The following UNC13B variants were observed in gnomAD, a reference collection of about 807,000 sequenced individuals.
UNC13B encodes the protein protein unc-13 homolog B.
Under a neutral mutation model 211.0 loss-of-function variants are expected in UNC13B, and 144 were observed. That is an observed-to-expected ratio of 0.68 (90% CI 0.60 to 0.78). UNC13B has a LOEUF of 0.78. UNC13B is among the 30% of genes least tolerant of loss of function. The pLI, the probability that UNC13B is intolerant of heterozygous loss-of-function variation, is 0.00. For missense variants in UNC13B, 1,777 were observed against 2,002.0 expected, an observed-to-expected ratio of 0.89 and a Z score of 2.14; for synonymous variants, 709 against 725.8, an observed-to-expected ratio of 0.98 and a Z score of 0.37.
intron 7 of UNC13B, among the ~76,000 whole-genome samples, chr9:35,294,883 A>G (rs963017078): frequency 6.6e-6 from 1 of 152,216 alleles, no homozygotes; most frequent in Non-Finnish European, 1.5e-5. Context: ...TAACAAAAAA[A>G]CTGTAGCCAG....
intron 11 of UNC13B, among the ~76,000 whole-genome samples, chr9:35,335,694 C>CTTT (rs556687609): frequency 7.2e-6 from 1 of 139,532 alleles, no homozygotes. Context: ...CCTTCTTGGC[C>CTTT]TTTTTTTTTT....
rs1384761044 is a variant in UNC13B at position 35,381,864 on chromosome 9, A to G, written c.10655+145A>G. ...TCTCTGAGCTGGGTGAGATGGGTCT[A>G]TGCCCCAAGACAAGAAGGGTATATG... On this transcript the variant is annotated intron_variant, in intron 20 of 39. Coordinates refer to ENST00000635942, the MANE Select transcript of UNC13B (RefSeq NM_001371189.2). 17 of 977,670 alleles carry G rather than the reference A, an allele frequency of 1.7e-5. No individual in the cohort carries two copies. The Admixed American group carries it at 2.5e-4, about 14-fold the overall frequency. 60.6% of individuals were successfully genotyped at this position (977,670 alleles called of 1,614,324 possible). A position where few individuals can be genotyped will look rare whatever the true frequency, so the allele number is the denominator to read the frequency against.
chr9:35,325,167 G>T (rs1420355566), intron 11 of UNC13B, among the ~76,000 whole-genome samples: 2 of 152,182 alleles, frequency 1.3e-5, no homozygotes, highest in East Asian at 3.8e-4. Flanking sequence ...CACATAAAAA[G>T]TACTCCATAA....
intron 11 of UNC13B, among the ~76,000 whole-genome samples, chr9:35,318,166 G>C (rs1309646634): frequency 6.6e-6 from 1 of 152,140 alleles, no homozygotes; most frequent in Non-Finnish European, 1.5e-5. Context: ...AATTGAATAA[G>C]AGAACAATAG....
At chr9:35,168,982 A>G (rs1821195023) in intron 1 of UNC13B, among the ~76,000 whole-genome samples, 1 of 152,124 alleles carries the variant, frequency 6.6e-6, no homozygotes, top group South Asian at 2.1e-4. Flanking sequence ...CTGCATTTTT[A>G]AAACAGAACA....
chr9:35,235,322 C>A (rs918335150), intron 3 of UNC13B, among the ~76,000 whole-genome samples: 2 of 152,176 alleles, frequency 1.3e-5, no homozygotes, highest in Non-Finnish European at 2.9e-5. Flanking sequence ...TCTCCAGGGA[C>A]TGAGTGGTGT....
At chr9:35,173,439 T>C (rs186943504) in intron 1 of UNC13B, among the ~76,000 whole-genome samples, 8 of 151,890 alleles carry the variant, frequency 5.3e-5, no homozygotes, top group Non-Finnish European at 8.8e-5. Context: ...TTTTTTTTTT[T>C]TGGGGACAGA....
At chr9:35,290,518 G>A (rs1456595105) in intron 7 of UNC13B, among the ~76,000 whole-genome samples, 1 of 151,024 alleles carries the variant, frequency 6.6e-6, no homozygotes, top group East Asian at 2.0e-4. Flanking sequence ...GATAAACATT[G>A]CCATTCTTTG....
At chr9:35,254,668 G>A (rs1053578280) in intron 6 of UNC13B, among the ~76,000 whole-genome samples, 3 of 151,042 alleles carry the variant, frequency 2.0e-5, no homozygotes, top group Admixed American at 6.6e-5. Flanking sequence ...TTTTCTAGTT[G>A]GTTATCACAT....
At chr9:35,374,881 T>G (rs113394183) in intron 13 of UNC13B, among the ~76,000 whole-genome samples, 3 of 152,228 alleles carry the variant, frequency 2.0e-5, no homozygotes, top group Non-Finnish European at 4.4e-5. Flanking sequence ...AGAAACTCTT[T>G]GGATGATAGA....
At chr9:35,309,222 A>AGTGTGT (rs5897599) in intron 9 of UNC13B, among the ~76,000 whole-genome samples, 19 of 145,144 alleles carry the variant, frequency 1.3e-4, no homozygotes, top group African/African-American at 3.6e-4. Flanking sequence ...GGTCAGGGTC[A>AGTGTGT]GTGTGTGTGT....
chr9:35,249,581 T>TG (rs1267967757), intron 6 of UNC13B, among the ~76,000 whole-genome samples: 3 of 152,214 alleles, frequency 2.0e-5, no homozygotes, highest in Admixed American at 6.5e-5. Flanking sequence ...CATTTGCTTG[T>TG]CTGTAAAGTA....
At chr9:35,321,807 G>T (rs1038191233) in intron 11 of UNC13B, among the ~76,000 whole-genome samples, 7 of 151,940 alleles carry the variant, frequency 4.6e-5, no homozygotes, top group African/African-American at 1.7e-4. Context: ...GGCTTCAGGG[G>T]TATATATATA....
intron 11 of UNC13B, chr9:35,360,938 C>T (rs1165145118): frequency 6.6e-6 from 1 of 152,250 alleles, no homozygotes; most frequent in African/African-American, 2.4e-5. Context: ...CTTAGTCTCC[C>T]AAAGTGTTGG....
intron 11 of UNC13B, among the ~76,000 whole-genome samples, chr9:35,328,943 T>G (rs1179641330): frequency 6.6e-6 from 1 of 151,742 alleles, no homozygotes; most frequent in African/African-American, 2.4e-5. Flanking sequence ...AATTTTTTTT[T>G]TGTATTTTTA....
intron 6 of UNC13B, among the ~76,000 whole-genome samples, chr9:35,255,776 C>T (rs1414173237): frequency 2.0e-5 from 3 of 152,102 alleles, no homozygotes; most frequent in Admixed American, 2.0e-4. Context: ...TGGGGAGGTT[C>T]AGACTCTTGG....
chr9:35,324,127 A>G (rs954102394), intron 11 of UNC13B, among the ~76,000 whole-genome samples: 3 of 152,184 alleles, frequency 2.0e-5, no homozygotes, highest in Non-Finnish European at 4.4e-5. Context: ...GTTCAGGATC[A>G]CCCAGCTAGT....
At position 35,389,895 on chromosome 9, in the gene UNC13B, A is replaced by C; in HGVS notation, c.11144A>C (p.Asp3715Ala). The C allele has an allele frequency of 6.2e-7, 1 of 1,614,134 alleles. No homozygotes were observed. Among genetic ancestry groups the C allele is most frequent in the Non-Finnish European group, 8.5e-7 (1 of 1,180,014 alleles). The change falls in exon 25 of 40, where the codon GAT (aspartate) becomes GCT (alanine). Residue 3715 changes from aspartate to alanine, a missense_variant. By Grantham distance (126) the Asp-to-Ala change is moderately radical (BLOSUM62 -2). Coordinates refer to ENST00000635942, the MANE Select transcript of UNC13B (RefSeq NM_001371189.2). ...CAAGGGCCCAGCATTCGGAACCTGG[A>C]TTTCTGGCCCAAGCTCATCACACTC... is the stretch of plus-strand genomic sequence containing the variant. ...EEQGPSIRNL[D>A]FWPKLITLIV...
At chr9:35,388,162 C>G (rs1303946386) in intron 24 of UNC13B, among the ~76,000 whole-genome samples, 1 of 152,138 alleles carries the variant, frequency 6.6e-6, no homozygotes, top group Non-Finnish European at 1.5e-5. Context: ...AATCCTAACA[C>G]TTTGGGAAGC....
Sources: allele counts gnomAD v4.1 joint callset (sites outside exome capture counted in the v4.1 genomes callset), GRCh38; gene constraint gnomAD v4.1.1; transcripts MANE v1.5; gene names NCBI Gene and HGNC (gene_info 2026-07-23, HGNC 2026-07-21).